ZC3H7B: variants seen among roughly 807,000 people sequenced by gnomAD.
ZC3H7B encodes zinc finger CCCH-type containing 7B, also known as zinc finger CCCH domain-containing protein 7B.
Under a neutral mutation model 116.0 loss-of-function variants are expected in ZC3H7B, and 35 were observed. The ratio of observed to expected loss-of-function variants is 0.30; its 90% CI spans 0.23 to 0.40. The LOEUF is 0.40. ZC3H7B is among the 10% of genes least tolerant of loss of function. The pLI is 1.00. For synonymous variants in ZC3H7B, 502 were observed against 545.6 expected (o/e 0.92, Z 1.11); for missense variants, 1,011 against 1,321.5 (o/e 0.77, Z 3.64).
chr22:41,320,331 CAAAAA>C (rs74353356), intron 1 of ZC3H7B, among the ~76,000 whole-genome samples: 1 of 86,442 alleles, frequency 1.2e-5, no homozygotes, highest in African/African-American at 4.3e-5. Context: ...ACTCTGTATC[CAAAAA>C]AAAAAAAAAA....
chr22:41,347,788 C>CT (rs112728478), intron 14 of ZC3H7B, among the ~76,000 whole-genome samples: 3 of 152,064 alleles, frequency 2.0e-5, no homozygotes, highest in African/African-American at 7.2e-5. Flanking sequence ...TCCTTTTTAT[C>CT]TTTTTTTTGA....
Position 41,339,030 on chromosome 22 carries a change from G to T in ZC3H7B, c.655G>T (p.Ala219Ser). The change falls in exon 9 of 23, where the codon GCC (alanine) becomes TCC (serine). Residue 219 changes from alanine to serine, a missense_variant. This residue lies in a region of ZC3H7B where 322 missense variants were observed against 443.9 expected (regional missense o/e 0.73). Coordinates refer to ENST00000352645, the MANE Select transcript of ZC3H7B (RefSeq NM_017590.6). Reference protein sequence around the residue: ...DCYVDPRGSPALLPSTPTMPL... With the variant: ...DCYVDPRGSPSLLPSTPTMPL... ...CTACGTGGACCCTCGAGGCTCCCCA[G>T]CCCTTCTCCCCTCCACGCCCACGAT... is the stretch of plus-strand genomic sequence containing the variant. The T allele has an allele frequency of 6.2e-7, 1 of 1,602,506 alleles. No homozygotes were observed. Among genetic ancestry groups the T allele is most frequent in the African/African-American group, 1.3e-5 (1 of 74,844 alleles).
In ZC3H7B at chr22:41,356,274, G is replaced by A. The variant is rs900113073; in HGVS notation, c.2384-69G>A. 13 of 1,599,160 alleles carry A rather than the reference G, an allele frequency of 8.1e-6. No individual in the cohort carries two copies. In the African/African-American group the frequency reaches 1.7e-4, roughly 22 times the overall value. The stretch of plus-strand genomic sequence containing the variant: ...GGGACGCCCACGGCTCCCAAATCAA[G>A]TGGGGACCATGGGGCAGAATGGATG... On this transcript the variant is annotated intron_variant, in intron 20 of 22. Coordinates refer to ENST00000352645, the MANE Select transcript of ZC3H7B (RefSeq NM_017590.6).
In ZC3H7B at chr22:41,331,812, A is replaced by C. The variant is rs192389633; in HGVS notation, c.526-359A>C. Among the ~76,000 whole-genome samples the C allele has an allele frequency of 1.9e-4, 29 of 152,288 alleles. 1 individual carries two copies. In the East Asian group the frequency reaches 5.4e-3, roughly 28 times the overall value. ...CATGAACCCCAGAGGTCAAGGCTGC[A>C]GAGAGCCGAGATTGCATCCAGCCTA... On this transcript the variant is annotated intron_variant, in intron 6 of 22. Coordinates refer to ENST00000352645, the MANE Select transcript of ZC3H7B (RefSeq NM_017590.6).
At chr22:41,342,925 C>G (rs2036539984) in intron 12 of ZC3H7B, among the ~76,000 whole-genome samples, 2 of 152,172 alleles carry the variant, frequency 1.3e-5, no homozygotes, top group African/African-American at 4.8e-5. Context: ...GTAATCCCAG[C>G]ATTTTGTGAG....
intron 1 of ZC3H7B, among the ~76,000 whole-genome samples, chr22:41,309,008 CTTTT>C (rs57147100): frequency 1.7e-4 from 18 of 103,280 alleles, no homozygotes; most frequent in African/African-American, 2.0e-4. Flanking sequence ...TCCCAGTCTG[CTTTT>C]TTTTTTTTTT....
rs902827492 is a variant in ZC3H7B at position 41,338,348 on chromosome 22, C to T, written c.618C>T (p.Ile206=). The change falls in exon 8 of 23, where the codon ATC becomes ATT. Residue 206 remains isoleucine, a synonymous_variant. Transcript: ENST00000352645. This position sits in a 1 kb window ranked among gnomAD's most constrained non-coding sequence, Gnocchi z 4.5. Reference sequence around the variant, plus strand: ...ATGGATTGGGGTCCATAGATGACATCGAAACAGGTAATGTCCCCGATACGA... The same window carrying T: ...ATGGATTGGGGTCCATAGATGACATTGAAACAGGTAATGTCCCCGATACGA... The part of the protein sequence containing the change: ...TSNGLGSIDD[I]ETDCYVDPRG... 10 of 1,613,540 alleles carry T rather than the reference C, an allele frequency of 6.2e-6. No homozygotes were observed. The highest frequency in any genetic ancestry group is 3.3e-5 in the South Asian group (3 of 90,966).
intron 7 of ZC3H7B, 86 bp downstream of exon 7, chr22:41,332,313 G>A (rs768643582): frequency 1.3e-6 from 2 of 1,547,824 alleles, no homozygotes; most frequent in South Asian, 2.2e-5. Context: ...ATGACCTCAG[G>A]CAGTGGGTCC....
chr22:41,331,446 T>C (rs1163693277), intron 6 of ZC3H7B, among the ~76,000 whole-genome samples: 3 of 147,034 alleles, frequency 2.0e-5, no homozygotes, highest in Non-Finnish European at 3.0e-5. Flanking sequence ...TCCCAGCTAC[T>C]CTGAAGGCTG....
chr22:41,357,626 C>T lies in ZC3H7B; in HGVS notation c.*197C>T, dbSNP rs1038959726. On this transcript the variant is annotated 3_prime_UTR_variant, in exon 23 of 23. Transcript: ENST00000352645. The surrounding 1 kb of genome is among the most constrained non-coding windows in gnomAD (Gnocchi z 5.4). ...ACCCAGGCGCACGTGCTGCAGCCCC[C>T]GGAGGCCCCGCTGAAACCTGGGCTG... 1.8e-5 allele frequency: 14 copies of T among 762,982 alleles called. No homozygotes were observed. Among genetic ancestry groups the T allele is most frequent in the East Asian group, 2.7e-5 (1 of 36,594 alleles). 47.3% of individuals were successfully genotyped at this position (762,982 alleles called of 1,614,324 possible). A position where few individuals can be genotyped will look rare whatever the true frequency, so the allele number is the denominator to read the frequency against.
intron 1 of ZC3H7B, 50 bp from the exon 2 acceptor site, chr22:41,320,605 G>T: frequency 6.2e-7 from 1 of 1,609,272 alleles, no homozygotes; most frequent in Non-Finnish European, 8.5e-7. Flanking sequence ...GGTGGCTGAC[G>T]GCAGCCTGGC....
chr22:41,327,780 G>A lies in ZC3H7B; in HGVS notation c.444+416G>A, dbSNP rs1045721698. Among the ~76,000 whole-genome samples the A allele has an allele frequency of 1.3e-5, 2 of 152,124 alleles. No homozygotes were observed. Among genetic ancestry groups the A allele is most frequent in the South Asian group, 4.1e-4 (2 of 4,822 alleles). ...TCTACAAAAAATACAAAATTTAGCC[G>A]GGCATGATGGCGTGTGCCTGTTTTG... On this transcript the variant is annotated intron_variant, in intron 5 of 22. Coordinates refer to ENST00000352645, the MANE Select transcript of ZC3H7B (RefSeq NM_017590.6). This position sits in a 1 kb window ranked among gnomAD's most constrained non-coding sequence, Gnocchi z 4.5.
At position 41,345,701 on chromosome 22, in the gene ZC3H7B, G is replaced by A. The variant is rs149239696; in HGVS notation, c.1460-302G>A. On this transcript the variant is annotated intron_variant, in intron 13 of 22. Coordinates refer to ENST00000352645, the MANE Select transcript of ZC3H7B (RefSeq NM_017590.6). ...CTCTGCAGGTGTGGAGTGCAGAAGC[G>A]GGCCTTGTATTTGGAAAGGAATTTT... is the stretch of plus-strand genomic sequence containing the variant. 5.9e-5 allele frequency among the ~76,000 whole-genome samples: 9 copies of A among 152,296 alleles called. No homozygotes were observed. The East Asian group carries it at 1.2e-3, about 20-fold the overall frequency.
At chr22:41,323,029 T>A (rs1316955682) in intron 2 of ZC3H7B, among the ~76,000 whole-genome samples, 1 of 152,212 alleles carries the variant, frequency 6.6e-6, no homozygotes, top group Non-Finnish European at 1.5e-5. Flanking sequence ...GTGTTCATAT[T>A]GACACAACAC....
chr22:41,337,638 C>T (rs2036463510), intron 7 of ZC3H7B, among the ~76,000 whole-genome samples: 1 of 152,186 alleles, frequency 6.6e-6, no homozygotes, highest in Admixed American at 6.5e-5. Context: ...AACTGCAGGC[C>T]ATCTGTGGTG....
chr22:41,309,119 C>T (rs1316834697), intron 1 of ZC3H7B, among the ~76,000 whole-genome samples: 99 of 146,784 alleles, frequency 6.7e-4, no homozygotes, highest in Middle Eastern at 3.3e-3. Context: ...TCATGCCATT[C>T]TCCTGCCTCA....
intron 13 of ZC3H7B, 30 bp from the exon 14 acceptor site, chr22:41,345,973 C>T (rs771560374): frequency 1.9e-6 from 3 of 1,612,066 alleles, no homozygotes; most frequent in African/African-American, 1.3e-5. Flanking sequence ...CCCCGCCTGG[C>T]GGAACGTGTG....
intron 1 of ZC3H7B, among the ~76,000 whole-genome samples, chr22:41,308,383 C>G (rs2036073609): frequency 6.6e-6 from 1 of 152,172 alleles, no homozygotes; most frequent in Non-Finnish European, 1.5e-5. Flanking sequence ...ATTCCCAACT[C>G]CTGTTCATGC....
chr22:41,323,813 G>C (rs1461501122), intron 2 of ZC3H7B, among the ~76,000 whole-genome samples: 1 of 152,332 alleles, frequency 6.6e-6, no homozygotes, highest in East Asian at 1.9e-4. Flanking sequence ...GCTCATGCCT[G>C]TAATCCCAGC....
Sources: gnomAD v4.1 joint callset for allele counts (sites outside exome capture counted in the v4.1 genomes callset) on GRCh38, gnomAD v4.1.1 for gene constraint, gnomAD v4.1.1 regional missense constraint, Gnocchi (gnomAD v3.1) non-coding constraint, MANE v1.5 for transcripts, NCBI Gene and HGNC (gene_info 2026-07-23, HGNC 2026-07-21) for gene names.